ARB2A: variants seen among roughly 807,000 people sequenced by gnomAD.
The protein encoded by ARB2A is ARB2 cotranscriptional regulator A.
chr5:93,879,336 T>C, the ARB2A span, among the ~76,000 whole-genome samples: 4,960 of 152,130 alleles, frequency 0.033, 247 homozygotes, highest in African/African-American at 0.11. Context: ...AGAAATGATG[T>C]TTACTAAGAA....
At chr5:94,072,541 T>C in the ARB2A span, among the ~76,000 whole-genome samples, 10 of 152,068 alleles carry the variant, frequency 6.6e-5, no homozygotes, top group East Asian at 7.7e-4. Context: ...TCCAGAATAA[T>C]TTTTAATAAA....
chr5:94,050,873 A>G, the ARB2A span: 1 of 1,316,130 alleles, frequency 7.6e-7, no homozygotes. Context: ...TTCAAAGTAT[A>G]TTGACAATAA....
the ARB2A span, among the ~76,000 whole-genome samples, chr5:94,017,126 T>A: frequency 6.6e-6 from 1 of 152,194 alleles, no homozygotes; most frequent in Non-Finnish European, 1.5e-5. Flanking sequence ...ATAGGACAGA[T>A]GAACCAGGAC....
chr5:94,070,061 T>C, the ARB2A span, among the ~76,000 whole-genome samples: 1 of 151,978 alleles, frequency 6.6e-6, no homozygotes, highest in Non-Finnish European at 1.5e-5. Flanking sequence ...GATGAATGGA[T>C]AAAGAAAATG....
chr5:93,646,467 T>C, the ARB2A span, among the ~76,000 whole-genome samples: 3 of 152,058 alleles, frequency 2.0e-5, no homozygotes, highest in African/African-American at 7.2e-5. Context: ...ACAATATAAG[T>C]GGATATTTTT....
At chr5:93,822,889 C>T in the ARB2A span, among the ~76,000 whole-genome samples, 13 of 152,000 alleles carry the variant, frequency 8.6e-5, no homozygotes, top group Admixed American at 8.5e-4. Flanking sequence ...ACAGCAGAAG[C>T]ACTTGTAGAG....
chr5:93,908,525 C>T, the ARB2A span, among the ~76,000 whole-genome samples: 4 of 150,600 alleles, frequency 2.7e-5, no homozygotes, highest in Admixed American at 2.0e-4. Context: ...ACAATGAAGT[C>T]TAATACAAAA....
the ARB2A span, among the ~76,000 whole-genome samples, chr5:93,693,667 A>C: frequency 6.6e-6 from 1 of 152,220 alleles, no homozygotes; most frequent in South Asian, 2.1e-4. Flanking sequence ...AAACTATTCG[A>C]AACAGTAGAA....
chr5:93,754,044 T>C, the ARB2A span, among the ~76,000 whole-genome samples: 1 of 152,210 alleles, frequency 6.6e-6, no homozygotes, highest in African/African-American at 2.4e-5. Context: ...TTGTCTGTGA[T>C]GCCTAGAGCA....
At chr5:93,861,316 T>G in the ARB2A span, 1 of 148,628 alleles carries the variant, frequency 6.7e-6, no homozygotes, top group Non-Finnish European at 1.5e-5. Context: ...TTCTTTTTTT[T>G]TTTTTTTTTT....
the ARB2A span, among the ~76,000 whole-genome samples, chr5:93,887,566 C>A: frequency 6.6e-6 from 1 of 151,626 alleles, no homozygotes; most frequent in East Asian, 1.9e-4. Context: ...CAAAAACAAA[C>A]AAACAAACAA....
chr5:93,741,063 G>A, the ARB2A span: 5 of 1,613,702 alleles, frequency 3.1e-6, no homozygotes, highest in Non-Finnish European at 3.4e-6. Context: ...GCTGGGCCTC[G>A]AAGCGGCAGA....
chr5:93,696,369 T>C, the ARB2A span, among the ~76,000 whole-genome samples: 1 of 152,186 alleles, frequency 6.6e-6, no homozygotes, highest in East Asian at 1.9e-4. Flanking sequence ...CAACCCTAGT[T>C]GAAATAGTCT....
chr5:93,997,197 C>T, the ARB2A span, among the ~76,000 whole-genome samples: 78 of 152,066 alleles, frequency 5.1e-4, 1 homozygote, highest in African/African-American at 1.5e-3. Flanking sequence ...CATCAAATCA[C>T]CATCACTAAA....
chr5:93,776,114 C>A, the ARB2A span: 1 of 1,433,664 alleles, frequency 7.0e-7, no homozygotes, highest in Non-Finnish European at 9.6e-7. Context: ...ATATTTTTCA[C>A]CCTGAAAAAC....
chr5:94,014,346 G>A, the ARB2A span, among the ~76,000 whole-genome samples: 1 of 152,116 alleles, frequency 6.6e-6, no homozygotes, highest in South Asian at 2.1e-4. Context: ...TGGGCTTAAG[G>A]TACCACCTAC....
At chr5:93,802,060 A>C in the ARB2A span, among the ~76,000 whole-genome samples, 4,603 of 152,204 alleles carry the variant, frequency 0.03, 235 homozygotes, top group African/African-American at 0.11. Context: ...CTAAATCTGA[A>C]GAACAAATAA....
chr5:93,625,637 G>A, the ARB2A span, among the ~76,000 whole-genome samples: 1 of 152,090 alleles, frequency 6.6e-6, no homozygotes, highest in African/African-American at 2.4e-5. Flanking sequence ...TTAAAGGAGT[G>A]AAAATAGCAA....
At chr5:93,943,540 T>C in the ARB2A span, among the ~76,000 whole-genome samples, 1 of 152,152 alleles carries the variant, frequency 6.6e-6, no homozygotes, top group Non-Finnish European at 1.5e-5. Flanking sequence ...TTCTTAAAAA[T>C]AAGCATGTCC....
Sources: gnomAD v4.1 joint callset for allele counts (sites outside exome capture counted in the v4.1 genomes callset) on GRCh38, gnomAD v4.1.1 for gene constraint, MANE v1.5 for transcripts, NCBI Gene and HGNC (gene_info 2026-07-23, HGNC 2026-07-21) for gene names.